DNAAF5: variants seen among roughly 807,000 people sequenced by gnomAD.
DNAAF5 encodes the protein dynein axonemal assembly factor 5, also known as HEAT repeat containing 2.
In DNAAF5, 64 loss-of-function variants were observed where a neutral mutation model predicts 75.8. The observed-to-expected ratio is 0.84, with a 90% CI of 0.69 to 1.04. DNAAF5 has a LOEUF of 1.04. DNAAF5 is among the 50% of genes least tolerant of loss of function. DNAAF5 has a pLI of 0.00. For missense variants in DNAAF5, 1,269 were observed against 1,178.5 expected (o/e 1.08, Z -1.12); for synonymous variants, 657 against 557.2 (o/e 1.18, Z -2.52).
At chr7:743,888 C>T (rs1444112498) in intron 4 of DNAAF5, among the ~76,000 whole-genome samples, 1 of 150,070 alleles carries the variant, frequency 6.7e-6, no homozygotes, top group Non-Finnish European at 1.5e-5. Context: ...TATTTGGTTA[C>T]ATAAATAAGT....
At chr7:753,396 G>T (rs1006287629) in intron 4 of DNAAF5, among the ~76,000 whole-genome samples, 1 of 152,238 alleles carries the variant, frequency 6.6e-6, no homozygotes, top group Non-Finnish European at 1.5e-5. Flanking sequence ...CTTGTGTCAG[G>T]CTCTAGAAAG....
Position 769,347 on chromosome 7 carries a change from C to T in DNAAF5, c.1784-1124C>T, listed in dbSNP as rs921103620. On this transcript the variant is annotated intron_variant, in intron 8 of 12. Coordinates refer to ENST00000297440, the MANE Select transcript of DNAAF5 (RefSeq NM_017802.4). ...CCTGCAGGCTGAGCCTGGCAGGAGA[C>T]GCTGCAGGGACTCTCAGAGCTGTCC... 2.2e-5 allele frequency: 14 copies of T among 627,578 alleles called. No homozygotes were observed. The Admixed American group carries it at 2.5e-4, about 11-fold the overall frequency. 38.9% of individuals were successfully genotyped at this position (627,578 alleles called of 1,614,324 possible). A position where few individuals can be genotyped will look rare whatever the true frequency, so the allele number is the denominator to read the frequency against.
chr7:781,946 C>T (rs1467324964), intron 12 of DNAAF5, among the ~76,000 whole-genome samples: 1 of 152,252 alleles, frequency 6.6e-6, no homozygotes, highest in Non-Finnish European at 1.5e-5. Context: ...CGCGGGCTGT[C>T]CCTGCGGCTG....
At chr7:735,205 C>T (rs927738688) in intron 2 of DNAAF5, among the ~76,000 whole-genome samples, 32 of 150,702 alleles carry the variant, frequency 2.1e-4, no homozygotes, top group African/African-American at 7.8e-4. Context: ...GGTGTAGCTG[C>T]TCACGGTGTC....
At position 754,602 on chromosome 7, in the gene DNAAF5, G is replaced by A. The variant is rs1411942875; in HGVS notation, c.1038G>A (p.Val346=). 8.7e-6 allele frequency: 14 copies of A among 1,613,926 alleles called. No individual in the cohort carries two copies. The East Asian group carries it at 8.9e-5, about 10-fold the overall frequency. The stretch of plus-strand genomic sequence containing the variant: ...TTTTCGTTCCAGAGCGCCGCCCTGT[G>A]CTGGGCTGCCGGGAGCTCGTCTTCA... ...PHYPPHERRP[V]LGCRELVFRN... The change falls in exon 5 of 13, where the codon GTG becomes GTA. Residue 346 remains valine (V), a synonymous_variant. Transcript: ENST00000297440. The surrounding 1 kb of genome is among the most constrained non-coding windows in gnomAD (Gnocchi z 4.8).
At chr7:761,682 T>C (rs558113854) in intron 6 of DNAAF5, 71 bp from the exon 7 acceptor site, 1 of 1,492,340 alleles carries the variant, frequency 6.7e-7, no homozygotes, top group East Asian at 2.5e-5. Flanking sequence ...GAGCTACAGT[T>C]CAAGATGGGA....
intron 12 of DNAAF5, among the ~76,000 whole-genome samples, chr7:785,251 C>T (rs1562406544): frequency 6.7e-6 from 1 of 148,156 alleles, no homozygotes; most frequent in East Asian, 2.5e-4. Flanking sequence ...TCAGGTCATT[C>T]GTCCCCAGAT....
intron 1 of DNAAF5, among the ~76,000 whole-genome samples, chr7:728,900 A>G (rs1781462425): frequency 6.6e-6 from 1 of 152,062 alleles, no homozygotes; most frequent in African/African-American, 2.4e-5. Flanking sequence ...CGCTCACCCA[A>G]AGTCTCACTG....
At chr7:745,328 G>A (rs751347752) in intron 4 of DNAAF5, among the ~76,000 whole-genome samples, 4 of 152,232 alleles carry the variant, frequency 2.6e-5, no homozygotes, top group East Asian at 1.9e-4. Context: ...GCTGTGCACC[G>A]GAGAGGGAGG....
intron 12 of DNAAF5, among the ~76,000 whole-genome samples, chr7:782,742 A>C (rs1779013121): frequency 8.6e-6 from 1 of 115,882 alleles, no homozygotes; most frequent in Admixed American, 8.7e-5. Flanking sequence ...GCCTCCCGTC[A>C]CGCAGCGTCA....
At position 763,952 on chromosome 7, in the gene DNAAF5, C is replaced by T; in HGVS notation, c.1761C>T (p.Phe587=). 1.2e-6 allele frequency: 2 copies of T among 1,605,882 alleles called. No individual in the cohort carries two copies. Among genetic ancestry groups the T allele is most frequent in the Middle Eastern group, 3.3e-4 (2 of 6,062 alleles). ...CACACTCGCCGGAGCTCCTGCAGTTCAGTGTCATCGTCGCACAGTCAGGTG... is the reference window on the plus strand; with the variant it reads ...CACACTCGCCGGAGCTCCTGCAGTTTAGTGTCATCGTCGCACAGTCAGGTG... ...WTAHSPELLQ[F]SVIVAQSGPA... is the part of the protein sequence containing the mutation. The change falls in exon 8 of 13, where the codon TTC becomes TTT. Residue 587 remains phenylalanine, a synonymous_variant. Coordinates refer to ENST00000297440, the MANE Select transcript of DNAAF5 (RefSeq NM_017802.4).
intron 6 of DNAAF5, among the ~76,000 whole-genome samples, chr7:759,353 C>T (rs140227960): frequency 9.0e-4 from 137 of 152,224 alleles, no homozygotes; most frequent in Admixed American, 2.0e-3. Flanking sequence ...CCAGTAGGTC[C>T]CCTAGAGCTC....
At position 775,118 on chromosome 7, in the gene DNAAF5, C is replaced by G. The variant is rs1260057335; in HGVS notation, c.2195C>G (p.Ser732Trp). ...ATTATCAACACGTTCTTAAAAACCT[C>G]GGGCGGCATGACGGATCCAGAGAAA... ...CRIINTFLKT[S>W]GGMTDPEKLI... The change falls in exon 11 of 13, where the codon TCG (serine) becomes TGG (tryptophan). Residue 732 changes from serine to tryptophan, a missense_variant. Transcript: ENST00000297440. 6.2e-7 allele frequency: 1 copy of G among 1,614,132 alleles called. No individual in the cohort carries two copies. The highest frequency in any genetic ancestry group is 8.5e-7 in the Non-Finnish European group (1 of 1,180,018).
At chr7:767,739 T>TAGCGCTGGGAGGGGAGACAC in intron 8 of DNAAF5, among the ~76,000 whole-genome samples, 1 of 150,728 alleles carries the variant, frequency 6.6e-6, no homozygotes, top group Non-Finnish European at 1.5e-5. Context: ...GAGGCGGAGC[T>TAGCGCTGGGAGGGGAGACAC]GGCGCTGGGA....
chr7:768,185 T>A (rs1198403236), intron 8 of DNAAF5, among the ~76,000 whole-genome samples: 19 of 110,254 alleles, frequency 1.7e-4, no homozygotes, highest in Non-Finnish European at 3.6e-5. Context: ...CAGGCGGAAG[T>A]GTCCATGCTG....
intron 6 of DNAAF5, among the ~76,000 whole-genome samples, chr7:758,363 A>G (rs1235232076): frequency 1.3e-5 from 2 of 152,228 alleles, no homozygotes; most frequent in African/African-American, 4.8e-5. Context: ...GAATTGTGTC[A>G]TCCCACAGTT....
intron 6 of DNAAF5, 151 bp from the exon 7 acceptor site, chr7:761,602 C>T (rs1477784032): frequency 3.3e-5 from 24 of 732,964 alleles, no homozygotes; most frequent in South Asian, 3.8e-5. Context: ...GAGAACAGCA[C>T]GGGAAAGACC....
At chr7:757,292 G>A (rs1782517080) in intron 6 of DNAAF5, among the ~76,000 whole-genome samples, 1 of 128,246 alleles carries the variant, frequency 7.8e-6, no homozygotes, top group South Asian at 2.9e-4. Context: ...TACATTCGTT[G>A]CTGCCCCTTT....
intron 7 of DNAAF5, among the ~76,000 whole-genome samples, chr7:762,700 G>T (rs1191207811): frequency 6.6e-6 from 1 of 151,744 alleles, no homozygotes; most frequent in Non-Finnish European, 1.5e-5. Flanking sequence ...TGCAACTTCT[G>T]CCTCCCAGGT....
Sources: gnomAD v4.1 joint callset for allele counts (sites outside exome capture counted in the v4.1 genomes callset) on GRCh38, gnomAD v4.1.1 for gene constraint, Gnocchi (gnomAD v3.1) non-coding constraint, MANE v1.5 for transcripts, NCBI Gene and HGNC (gene_info 2026-07-23, HGNC 2026-07-21) for gene names.